The following GPHN variants were observed in gnomAD, a reference collection of about 807,000 sequenced individuals.
GPHN encodes the protein gephyrin.
GPHN carries 17 observed loss-of-function variants against 95.5 expected under a neutral mutation model. The ratio of observed to expected loss-of-function variants is 0.18; its 90% CI spans 0.12 to 0.27. The LOEUF (loss-of-function observed/expected upper bound fraction) is 0.27, where lower values mean the gene tolerates loss of function less well. Ranked by LOEUF, GPHN falls within the 10% of genes least tolerant of loss-of-function variation. GPHN has a pLI of 1.00. For synonymous variants in GPHN, 320 were observed against 322.5 expected, an observed-to-expected ratio of 0.99 and a Z score of 0.08; for missense variants, 660 against 978.1, an observed-to-expected ratio of 0.67 and a Z score of 4.34.
downstream of GPHN, among the ~76,000 whole-genome samples, chr14:67,185,803 A>G (rs1434451606): frequency 2.0e-5 from 3 of 152,216 alleles, no homozygotes; most frequent in Admixed American, 1.3e-4. Context: ...ACCTGTTAGC[A>G]ATTCTTGATC....
intron 1 of GPHN, among the ~76,000 whole-genome samples, chr14:66,568,997 A>C (rs2060568593): frequency 6.6e-6 from 1 of 152,156 alleles, no homozygotes; most frequent in African/African-American, 2.4e-5. Context: ...ATCTTGAGTA[A>C]AATGTATTGT....
chr14:67,467,171 T>A, the GPHN span: 1 of 152,054 alleles, frequency 6.6e-6, no homozygotes, highest in African/African-American at 2.4e-5. Flanking sequence ...AACGTTGTAA[T>A]GTTATGGGCT....
chr14:67,266,376 A>G, the GPHN span, among the ~76,000 whole-genome samples: 3 of 152,142 alleles, frequency 2.0e-5, no homozygotes, highest in Non-Finnish European at 4.4e-5. Flanking sequence ...CCCAGTCTGA[A>G]GTGCAGTGGC....
intron 19 of GPHN, among the ~76,000 whole-genome samples, chr14:67,164,245 G>A (rs1195171739): frequency 1.6e-5 from 2 of 124,066 alleles, no homozygotes; most frequent in Non-Finnish European, 3.1e-5. Context: ...GCTAGCCTGG[G>A]CGACAAAGAG....
the GPHN span, among the ~76,000 whole-genome samples, chr14:67,701,044 A>T: frequency 1.3e-5 from 2 of 151,520 alleles, no homozygotes; most frequent in Non-Finnish European, 2.9e-5. Flanking sequence ...AAAAAAAAAA[A>T]AAGTCAAAGA....
intron 16 of GPHN, among the ~76,000 whole-genome samples, chr14:67,120,602 G>A (rs1005329438): frequency 7.2e-5 from 11 of 152,016 alleles, no homozygotes; most frequent in Non-Finnish European, 1.6e-4. Context: ...TACTTAGTTC[G>A]TGGTCAATAC....
chr14:66,979,033 T>G (rs2070465809), intron 9 of GPHN, among the ~76,000 whole-genome samples: 1 of 152,184 alleles, frequency 6.6e-6, no homozygotes, highest in Admixed American at 6.5e-5. Context: ...AGCAGTGGAT[T>G]TAACATATTT....
chr14:67,523,440 T>A, the GPHN span, among the ~76,000 whole-genome samples: 2 of 152,212 alleles, frequency 1.3e-5, no homozygotes, highest in African/African-American at 4.8e-5. Context: ...TGCCATGCAC[T>A]GTGCTAAGGA....
chr14:67,350,086 G>A, the GPHN span, among the ~76,000 whole-genome samples: 3 of 152,140 alleles, frequency 2.0e-5, no homozygotes, highest in African/African-American at 4.8e-5. Flanking sequence ...ATGTAAATTG[G>A]CATAACACAT....
In GPHN at chr14:66,708,639, G is replaced by T. The variant is rs899443735; in HGVS notation, c.143+27454G>T. 3.3e-5 allele frequency among the ~76,000 whole-genome samples: 5 copies of T among 152,246 alleles called. No homozygotes were observed. The South Asian group carries it at 1.0e-3, about 32-fold the overall frequency. On this transcript the variant is annotated intron_variant, in intron 2 of 22. Transcript: ENST00000478722. The stretch of plus-strand genomic sequence containing the variant: ...AAGAATATAAAAAGATTTCAATCTA[G>T]AGCAGTAATTTACTGAGTCTGAGAG...
At chr14:66,764,111 C>T (rs1453177409) in intron 2 of GPHN, among the ~76,000 whole-genome samples, 1 of 152,142 alleles carries the variant, frequency 6.6e-6, no homozygotes, top group Non-Finnish European at 1.5e-5. Flanking sequence ...ATAACGTGCA[C>T]AATAAATGTA....
chr14:67,212,617 AATATAT>A, the GPHN span, among the ~76,000 whole-genome samples: 1 of 145,924 alleles, frequency 6.9e-6, no homozygotes, highest in Non-Finnish European at 1.5e-5. Flanking sequence ...ATATATATGT[AATATAT>A]ATTATATATA....
intron 3 of GPHN, among the ~76,000 whole-genome samples, chr14:66,784,013 A>T (rs936025540): frequency 6.6e-6 from 1 of 152,242 alleles, no homozygotes. Flanking sequence ...AAATCACAGC[A>T]TGAGTGAGAA....
the GPHN span, among the ~76,000 whole-genome samples, chr14:67,372,007 G>A: frequency 6.6e-6 from 1 of 152,186 alleles, no homozygotes; most frequent in Non-Finnish European, 1.5e-5. Flanking sequence ...GCTGAGGCCT[G>A]TAATCTCAGC....
chr14:67,276,206 T>G, the GPHN span, among the ~76,000 whole-genome samples: 3 of 152,110 alleles, frequency 2.0e-5, no homozygotes, highest in East Asian at 5.8e-4. Context: ...AGGGTAAAGA[T>G]CTAAAACTCT....
the GPHN span, chr14:67,691,122 T>A: frequency 3.2e-6 from 5 of 1,572,390 alleles, no homozygotes; most frequent in Non-Finnish European, 4.4e-6. Flanking sequence ...AGCTTTGTGA[T>A]AAGGCCAGAT....
intron 2 of GPHN, among the ~76,000 whole-genome samples, chr14:66,743,934 A>G (rs1353119841): frequency 6.6e-6 from 1 of 152,192 alleles, no homozygotes; most frequent in East Asian, 1.9e-4. Context: ...ATATTATGTT[A>G]CTTTAAATGA....
At chr14:67,513,071 T>C in the GPHN span, among the ~76,000 whole-genome samples, 1 of 152,220 alleles carries the variant, frequency 6.6e-6, no homozygotes, top group Non-Finnish European at 1.5e-5. Context: ...TAAATCACTT[T>C]ATAAATGTAA....
At chr14:66,644,033 G>A (rs2064595358) in intron 1 of GPHN, among the ~76,000 whole-genome samples, 4 of 151,908 alleles carry the variant, frequency 2.6e-5, no homozygotes, top group Admixed American at 2.6e-4. Context: ...AATTATTTGG[G>A]GGCTTTACAT....
Sources: allele counts gnomAD v4.1 joint callset (sites outside exome capture counted in the v4.1 genomes callset), GRCh38; gene constraint gnomAD v4.1.1; transcripts MANE v1.5; gene names NCBI Gene and HGNC (gene_info 2026-07-23, HGNC 2026-07-21).